The following ITPKB variants were observed in gnomAD, a reference collection of about 807,000 sequenced individuals.
ITPKB encodes the protein inositol-trisphosphate 3-kinase B.
A neutral mutation model predicts 69.4 loss-of-function variants in ITPKB; 13 were observed. The observed-to-expected ratio is 0.19, with a 90% CI of 0.12 to 0.30. ITPKB has a LOEUF of 0.30. Among genes scored for constraint, ITPKB ranks in the 10% least tolerant of loss-of-function variants. The pLI, the probability that ITPKB is intolerant of heterozygous loss-of-function variation, is 1.00. For missense variants in ITPKB, 1,240 were observed against 1,250.5 expected (o/e 0.99, Z 0.13); for synonymous variants, 584 against 513.7 (o/e 1.14, Z -1.85).
At chr1:226,654,784 T>C (rs902702970) in intron 2 of ITPKB, among the ~76,000 whole-genome samples, 3 of 152,176 alleles carry the variant, frequency 2.0e-5, no homozygotes, top group African/African-American at 7.2e-5. Context: ...TCCTCAGTCA[T>C]GCTGTACGGA....
intron 2 of ITPKB, among the ~76,000 whole-genome samples, chr1:226,662,989 G>GT (rs1377738767): frequency 6.6e-6 from 1 of 152,172 alleles, no homozygotes; most frequent in Non-Finnish European, 1.5e-5. Context: ...CTGTGTCTCG[G>GT]TTCAGCAGTC....
In ITPKB at chr1:226,642,282, G is replaced by A. The variant is rs937558640; in HGVS notation, c.2247-157C>T. On this transcript the variant is annotated intron_variant, in intron 4 of 7. Transcript: ENST00000429204. The surrounding 1 kb of genome is among the most constrained non-coding windows in gnomAD (Gnocchi z 6.4). ...TCAAGGCACGTCTTTCCGAGGGGAC[G>A]GCAGACTCTGTTCCAGCTGGGGCTG... is the stretch of plus-strand genomic sequence containing the variant. Among the ~76,000 whole-genome samples the A allele has an allele frequency of 1.3e-5, 2 of 152,106 alleles. No individual in the cohort carries two copies. The highest frequency in any genetic ancestry group is 2.4e-5 in the African/African-American group (1 of 41,408).
chr1:226,682,306 G>A (rs1247112726), intron 2 of ITPKB, among the ~76,000 whole-genome samples: 1 of 152,200 alleles, frequency 6.6e-6, no homozygotes, highest in Non-Finnish European at 1.5e-5. Flanking sequence ...GCCCAAAAGA[G>A]CTAGGAAAAT....
At chr1:226,650,438 T>C (rs1669164539) in intron 2 of ITPKB, among the ~76,000 whole-genome samples, 1 of 152,250 alleles carries the variant, frequency 6.6e-6, no homozygotes, top group Non-Finnish European at 1.5e-5. Flanking sequence ...TAGATCCTTC[T>C]GATGGAGATC....
intron 2 of ITPKB, among the ~76,000 whole-genome samples, chr1:226,680,458 T>A (rs1656054962): frequency 6.6e-6 from 1 of 152,154 alleles, no homozygotes. Context: ...GAGGAGGCAA[T>A]GCTGAATGTG....
chr1:226,672,887 C>A (rs1441422686), intron 2 of ITPKB, among the ~76,000 whole-genome samples: 1 of 152,198 alleles, frequency 6.6e-6, no homozygotes, highest in Non-Finnish European at 1.5e-5. Flanking sequence ...GGCAGACAAA[C>A]AGGAAGAAGG....
At chr1:226,670,298 T>C (rs968978782) in intron 2 of ITPKB, among the ~76,000 whole-genome samples, 1 of 151,924 alleles carries the variant, frequency 6.6e-6, no homozygotes, top group African/African-American at 2.4e-5. Context: ...CACATGACCT[T>C]TTGGGAAAGC....
At position 226,649,535 on chromosome 1, in the gene ITPKB, T is replaced by A. The variant is rs1160500269; in HGVS notation, c.1933-764A>T. Among the ~76,000 whole-genome samples the A allele has an allele frequency of 4.6e-5, 7 of 151,628 alleles. No homozygotes were observed. In the East Asian group the frequency reaches 1.2e-3, roughly 25 times the overall value. ...TGTGCATGTGTGTGATGTGTGCATG[T>A]GTGTGCATGCGTGTGTGATATGCAC... On this transcript the variant is annotated intron_variant, in intron 2 of 7. Transcript: ENST00000429204.
Position 226,737,617 on chromosome 1 carries a change from G to T in ITPKB, c.-159C>A. 1 of 1,138,736 alleles carries T rather than the reference G, an allele frequency of 8.8e-7. No individual in the cohort carries two copies. Among genetic ancestry groups the T allele is most frequent in the Non-Finnish European group, 1.1e-6 (1 of 929,908 alleles). 70.5% of individuals were successfully genotyped at this position (1,138,736 alleles called of 1,614,324 possible). A position where few individuals can be genotyped will look rare whatever the true frequency, so the allele number is the denominator to read the frequency against. ...GGCCTGGGCAGCGGGCTGGGGGCACGACCGCGGGCTCAGCCCCCGCCCAAA... is the reference window on the plus strand; with the variant it reads ...GGCCTGGGCAGCGGGCTGGGGGCACTACCGCGGGCTCAGCCCCCGCCCAAA... On this transcript the variant is annotated 5_prime_UTR_variant, in exon 2 of 8. Coordinates refer to ENST00000429204, the MANE Select transcript of ITPKB (RefSeq NM_002221.4).
intron 2 of ITPKB, among the ~76,000 whole-genome samples, chr1:226,711,723 T>A (rs971799102): frequency 6.6e-6 from 1 of 152,150 alleles, no homozygotes; most frequent in African/African-American, 2.4e-5. Context: ...GTGTTGCCCA[T>A]CCCCATCCCC....
At chr1:226,728,920 T>C (rs1219620470) in intron 2 of ITPKB, among the ~76,000 whole-genome samples, 1 of 152,168 alleles carries the variant, frequency 6.6e-6, no homozygotes, top group Non-Finnish European at 1.5e-5. Flanking sequence ...TTGATTCCCT[T>C]TCTTTGTTCT....
At chr1:226,662,392 G>A (rs1669418884) in intron 2 of ITPKB, among the ~76,000 whole-genome samples, 1 of 152,216 alleles carries the variant, frequency 6.6e-6, no homozygotes, top group Non-Finnish European at 1.5e-5. Context: ...ACTTCTGTGT[G>A]AACAGCTCTT....
At chr1:226,690,709 TCAATTCAACGTGTC>T (rs1339840702) in intron 2 of ITPKB, among the ~76,000 whole-genome samples, 1 of 152,162 alleles carries the variant, frequency 6.6e-6, no homozygotes, top group African/African-American at 2.4e-5. Context: ...CACAGGACCG[TCAATTCAACGTGTC>T]CACCTACCTC....
At position 226,634,728 on chromosome 1, in the gene ITPKB, C is replaced by T. The variant is rs752588443; in HGVS notation, c.2784G>A (p.Gly928=). Residue 928 remains glycine (G), a synonymous_variant, in exon 8 of 8, where the codon GGG becomes GGA. Coordinates refer to ENST00000429204, the MANE Select transcript of ITPKB (RefSeq NM_002221.4). This position sits in a 1 kb window ranked among gnomAD's most constrained non-coding sequence, Gnocchi z 6.3. Reference sequence around the variant, plus strand: ...TCAGGATGTCGACGAGGTTATTGAGCCCCGAGAGGTAGCCATCCTCCCGGT... The same window carrying T: ...TCAGGATGTCGACGAGGTTATTGAGTCCCGAGAGGTAGCCATCCTCCCGGT... ...EGNREDGYLS[G]LNNLVDILTE... is the part of the protein sequence containing the mutation. 6 of 1,073,408 alleles carry T rather than the reference C, an allele frequency of 5.6e-6. No homozygotes were observed. In the African/African-American group the frequency reaches 6.2e-5, roughly 11 times the overall value. The allele number at this position is 1,073,408 out of a possible 1,614,324, so 66.5% of individuals were successfully genotyped here. A position where few individuals can be genotyped will look rare whatever the true frequency, so the allele number is the denominator to read the frequency against.
Position 226,632,335 on chromosome 1 carries a change from A to T in ITPKB, c.*2336T>A, listed in dbSNP as rs1277185482. The T allele has an allele frequency of 6.6e-6, 1 of 152,168 alleles. No homozygotes were observed. The highest frequency in any genetic ancestry group is 1.5e-5 in the Non-Finnish European group (1 of 68,048). 9.4% of individuals were successfully genotyped at this position (152,168 alleles called of 1,614,324 possible). ...GACCCAAGGAGTCCCTGTGGTGACGAGGGCTGGGCAGGCACGGTCTTCCAG... is the reference window on the plus strand; with the variant it reads ...GACCCAAGGAGTCCCTGTGGTGACGTGGGCTGGGCAGGCACGGTCTTCCAG... On this transcript the variant is annotated 3_prime_UTR_variant, in exon 8 of 8. Transcript: ENST00000429204.
chr1:226,675,557 C>T (rs1669715538), intron 2 of ITPKB, among the ~76,000 whole-genome samples: 1 of 152,302 alleles, frequency 6.6e-6, no homozygotes, highest in South Asian at 2.1e-4. Context: ...TTGGAAAGAA[C>T]GCTGGGCCCA....
intron 4 of ITPKB, among the ~76,000 whole-genome samples, chr1:226,646,578 C>T (rs994715288): frequency 6.6e-6 from 1 of 152,172 alleles, no homozygotes; most frequent in African/African-American, 2.4e-5. Context: ...TGCACACAGG[C>T]CCAGTGACTG....
At chr1:226,707,974 T>C in intron 2 of ITPKB, 2 of 1,099,660 alleles carry the variant, frequency 1.8e-6, no homozygotes, top group Non-Finnish European at 2.4e-6. Flanking sequence ...CATATGGCAA[T>C]AACTGCAACA....
At chr1:226,686,104 T>G (rs2102777379) in intron 2 of ITPKB, among the ~76,000 whole-genome samples, 1 of 151,940 alleles carries the variant, frequency 6.6e-6, no homozygotes, top group South Asian at 2.1e-4. Flanking sequence ...CTAAAAGGCT[T>G]ACCAGGGCAC....
Sources: gnomAD v4.1 joint callset for allele counts (sites outside exome capture counted in the v4.1 genomes callset) on GRCh38, gnomAD v4.1.1 for gene constraint, Gnocchi (gnomAD v3.1) non-coding constraint, MANE v1.5 for transcripts, NCBI Gene and HGNC (gene_info 2026-07-23, HGNC 2026-07-21) for gene names.